EIPR1: variants seen among roughly 807,000 people sequenced by gnomAD.
EIPR1 encodes the protein EARP complex and GARP complex interacting protein 1.
Under a neutral mutation model 48.1 loss-of-function variants are expected in EIPR1, and 25 were observed. The observed-to-expected ratio is 0.52, with a 90% CI of 0.38 to 0.73. The LOEUF (loss-of-function observed/expected upper bound fraction) is 0.73, where lower values mean the gene tolerates loss of function less well. Among genes scored for constraint, EIPR1 ranks in the 30% least tolerant of loss-of-function variants. The probability of loss-of-function intolerance (pLI) is 0.00; values close to 1 mark genes in which losing one functional copy is unlikely to be tolerated. For missense variants in EIPR1, 415 were observed against 506.2 expected, an observed-to-expected ratio of 0.82 and a Z score of 1.73; for synonymous variants, 204 against 201.9, an observed-to-expected ratio of 1.01 and a Z score of -0.09.
intron 5 of EIPR1, 126 bp from the exon 6 acceptor site, chr2:3,197,143 G>A: frequency 1.8e-6 from 2 of 1,121,350 alleles, no homozygotes; most frequent in Non-Finnish European, 2.5e-6. Flanking sequence ...AGGATAATTA[G>A]GAAGCTCTGT....
At chr2:3,308,536 C>T (rs556503223) in intron 3 of EIPR1, among the ~76,000 whole-genome samples, 4 of 152,162 alleles carry the variant, frequency 2.6e-5, no homozygotes, top group Admixed American at 6.5e-5. Context: ...CTCAGGAATG[C>T]GGGACAATAG....
chr2:3,219,210 G>A (rs1463243623), intron 4 of EIPR1, among the ~76,000 whole-genome samples: 1 of 150,150 alleles, frequency 6.7e-6, no homozygotes, highest in Non-Finnish European at 1.5e-5. Flanking sequence ...TGAGTCAGGT[G>A]CACACCCAGC....
intron 5 of EIPR1, among the ~76,000 whole-genome samples, chr2:3,201,235 G>A (rs1233677177): frequency 6.6e-6 from 1 of 152,134 alleles, no homozygotes; most frequent in Non-Finnish European, 1.5e-5. Flanking sequence ...CCCCTGATCA[G>A]GCACCCAAAG....
At chr2:3,243,968 C>G (rs1162202411) in intron 4 of EIPR1, among the ~76,000 whole-genome samples, 1 of 152,196 alleles carries the variant, frequency 6.6e-6, no homozygotes, top group Non-Finnish European at 1.5e-5. Context: ...TTTTGACGGA[C>G]AGAACTCACA....
chr2:3,348,678 A>G (rs6712776), intron 2 of EIPR1, among the ~76,000 whole-genome samples: 2,188 of 152,344 alleles, frequency 0.014, 47 homozygotes, highest in African/African-American at 0.05. Context: ...TTTCAGAAAG[A>G]TAGCGCAGCT....
At chr2:3,226,055 G>A (rs56374782) in intron 4 of EIPR1, among the ~76,000 whole-genome samples, 6,181 of 152,252 alleles carry the variant, frequency 0.041, 144 homozygotes, top group South Asian at 0.073. Context: ...GGACAATTGC[G>A]TATTTTCTAC....
Position 3,308,801 on chromosome 2 carries a change from G to T in EIPR1, c.259+29216C>A, listed in dbSNP as rs181222790. On this transcript the variant is annotated intron_variant, in intron 3 of 8. Coordinates refer to ENST00000382125, the MANE Select transcript of EIPR1 (RefSeq NM_003310.5). Reference sequence around the variant, plus strand: ...AAACTGGATCACCAAGTTCTCACCCGAAACCAGAGACCAGAACAAAGCAGA... The same window carrying T: ...AAACTGGATCACCAAGTTCTCACCCTAAACCAGAGACCAGAACAAAGCAGA... Among the ~76,000 whole-genome samples, 132 of 152,278 alleles carry T rather than the reference G, an allele frequency of 8.7e-4. 1 individual carries two copies. The East Asian group carries it at 0.022, about 25-fold the overall frequency.
chr2:3,236,316 A>G (rs6743635), intron 4 of EIPR1, among the ~76,000 whole-genome samples: 140,449 of 152,244 alleles, frequency 0.92, 65,145 homozygotes, highest in East Asian at 0.98. Flanking sequence ...CCTGGCCAAC[A>G]TGGCATCTCT....
intron 3 of EIPR1, among the ~76,000 whole-genome samples, chr2:3,290,281 C>T (rs993023157): frequency 6.6e-6 from 1 of 152,142 alleles, no homozygotes; most frequent in Non-Finnish European, 1.5e-5. Context: ...ATGGTGGATG[C>T]GTAATTATGA....
chr2:3,196,892 G>A lies in EIPR1; in HGVS notation c.642C>T (p.Thr214=). 3.1e-6 allele frequency: 5 copies of A among 1,613,450 alleles called. No individual in the cohort carries two copies. The highest frequency in any genetic ancestry group is 4.2e-6 in the Non-Finnish European group (5 of 1,179,882). ...GTGGGCTCACTGACCTCATGCTCCG[G>A]GTGTCCCAGCCACGGAGGGTGGTGT... ...ANDTTLRGWD[T]RSMSQIYCIE... is the part of the protein sequence containing the mutation. The change falls in exon 6 of 9, where the codon ACC becomes ACT. Residue 214 remains threonine, a synonymous_variant. Transcript: ENST00000382125.
intron 3 of EIPR1, among the ~76,000 whole-genome samples, chr2:3,259,731 T>C (rs750857330): frequency 6.6e-6 from 1 of 152,246 alleles, no homozygotes; most frequent in Non-Finnish European, 1.5e-5. Flanking sequence ...CCCACAAGGA[T>C]AGAAGAGCAA....
At chr2:3,260,126 G>A (rs975137419) in intron 3 of EIPR1, among the ~76,000 whole-genome samples, 1 of 152,080 alleles carries the variant, frequency 6.6e-6, no homozygotes. Context: ...CCTATTAATT[G>A]GACTTCATTA....
intron 2 of EIPR1, 58 bp downstream of exon 2, chr2:3,354,492 T>C: frequency 6.6e-7 from 1 of 1,507,116 alleles, no homozygotes; most frequent in Non-Finnish European, 9.2e-7. Context: ...GCAAAATGGT[T>C]ATAAAACTAA....
chr2:3,335,582 G>T (rs1429440088), intron 3 of EIPR1, among the ~76,000 whole-genome samples: 1 of 152,292 alleles, frequency 6.6e-6, no homozygotes, highest in East Asian at 1.9e-4. Flanking sequence ...GTGCTGAGAT[G>T]AAAAGCCTAA....
chr2:3,205,914 G>GCATCTTAAA (rs1294470109), intron 5 of EIPR1, among the ~76,000 whole-genome samples: 1 of 152,194 alleles, frequency 6.6e-6, no homozygotes, highest in Non-Finnish European at 1.5e-5. Flanking sequence ...CACGTGGCAG[G>GCATCTTAAA]CATCTTAAAC....
chr2:3,287,360 C>CGTTCACTACGCTCCAGAAAGCTT (rs1668225288), intron 3 of EIPR1, among the ~76,000 whole-genome samples: 1 of 151,350 alleles, frequency 6.6e-6, no homozygotes, highest in Non-Finnish European at 1.5e-5. Flanking sequence ...CCAGAAAGCT[C>CGTTCACTACGCTCCAGAAAGCTT]GTTCACTACG....
chr2:3,272,393 TC>T (rs1357342559), intron 3 of EIPR1, among the ~76,000 whole-genome samples: 14 of 152,258 alleles, frequency 9.2e-5, no homozygotes, highest in Non-Finnish European at 1.8e-4. Context: ...AAACTTGCCT[TC>T]CTCACTAAGC....
chr2:3,377,558 T>C, intron 1 of EIPR1, 90 bp downstream of exon 1: 1 of 1,483,546 alleles, frequency 6.7e-7, no homozygotes, highest in Non-Finnish European at 9.2e-7. Context: ...GCAGGGCTGG[T>C]GGGAGATCTG....
At chr2:3,308,714 G>A (rs974754108) in intron 3 of EIPR1, among the ~76,000 whole-genome samples, 5 of 152,194 alleles carry the variant, frequency 3.3e-5, no homozygotes, top group South Asian at 4.1e-4. Context: ...GACATGGCAC[G>A]ATTAGACTTC....
Sources: gnomAD v4.1 joint callset for allele counts (sites outside exome capture counted in the v4.1 genomes callset) on GRCh38, gnomAD v4.1.1 for gene constraint, MANE v1.5 for transcripts, NCBI Gene and HGNC (gene_info 2026-07-23, HGNC 2026-07-21) for gene names.